Variants in RPL12 observed in about 807,000 individuals in gnomAD.
RPL12 encodes ribosomal protein L12, also known as large ribosomal subunit protein uL11.
A neutral mutation model predicts 24.5 loss-of-function variants in RPL12; 10 were observed. The observed-to-expected ratio is 0.41, with a 90% CI of 0.25 to 0.69. The LOEUF (loss-of-function observed/expected upper bound fraction) is 0.69, where lower values mean the gene tolerates loss of function less well. Among genes scored for constraint, RPL12 ranks in the 30% least tolerant of loss-of-function variants. RPL12 has a pLI of 0.33. For synonymous variants in RPL12, 74 were observed against 76.1 expected (o/e 0.97, Z 0.14); for missense variants, 137 against 205.3 (o/e 0.67, Z 2.03).
rs202157693 is a variant in RPL12 at position 127,447,755 on chromosome 9, A to G, written c.493-29T>C. 27 of 1,613,530 alleles carry G rather than the reference A, an allele frequency of 1.7e-5. 1 individual carries two copies. In the East Asian group the frequency reaches 5.8e-4, roughly 35 times the overall value. ...TGGGAAAGAAAAAAAAAATCAGTAA[A>G]AAGTTTAAAAGGATTATCCCACCCC... On this transcript the variant is annotated intron_variant, in intron 6 of 6. Coordinates refer to ENST00000361436, the MANE Select transcript of RPL12 (RefSeq NM_000976.4).
rs111718850 is a variant in RPL12, at chr9:127,449,715, A to G, written c.112-7T>C. On this transcript the variant is annotated splice_region_variant and splice_polypyrimidine_tract_variant and intron_variant, in intron 2 of 6. Coordinates refer to ENST00000361436, the MANE Select transcript of RPL12 (RefSeq NM_000976.4). ...CACCAACTTTTTTTGGAGACTAGAA[A>G]TAAAGGCATGTAATCAACATGGTGT... 3.1e-6 allele frequency: 5 copies of G among 1,608,630 alleles called. No individual in the cohort carries two copies. The African/African-American group carries it at 5.3e-5, about 17-fold the overall frequency.
At chr9:127,450,689 A>G in intron 2 of RPL12, 42 bp downstream of exon 2, 1 of 1,459,464 alleles carries the variant, frequency 6.9e-7, no homozygotes, top group Non-Finnish European at 9.3e-7. Flanking sequence ...GCTTAAAGTG[A>G]AACAAATGTG....
At chr9:127,451,164 C>G (rs1002733704) in intron 1 of RPL12, 117 bp downstream of exon 1, 14 of 1,389,582 alleles carry the variant, frequency 1.0e-5, no homozygotes, top group African/African-American at 4.3e-5. Context: ...GGCGCAACAC[C>G]GGGAAGGTCT....
At chr9:127,447,793 T>C in intron 6 of RPL12, 67 bp from the exon 7 acceptor site, 1 of 1,612,236 alleles carries the variant, frequency 6.2e-7, no homozygotes, top group Non-Finnish European at 8.5e-7. Flanking sequence ...CAGTAACCAT[T>C]TCCAAAACTT....
At chr9:127,448,253 A>G (rs780187204) in intron 5 of RPL12, 84 bp downstream of exon 5, 46 of 1,189,704 alleles carry the variant, frequency 3.9e-5, no homozygotes, top group Non-Finnish European at 5.5e-5. Context: ...GGTCTCACTG[A>G]GCACCCTTCA....
At position 127,450,706 on chromosome 9, in the gene RPL12, A is replaced by G. The variant is rs747728956; in HGVS notation, c.111+25T>C. ...TTAAAGTGAAACAAATGTGAAAAAA[A>G]TGCCCCTTGGAGGGGATAACGTACC... On this transcript the variant is annotated intron_variant, in intron 2 of 6. Transcript: ENST00000361436. 22 of 1,526,872 alleles carry G rather than the reference A, an allele frequency of 1.4e-5. No homozygotes were observed. The South Asian group carries it at 2.5e-4, about 17-fold the overall frequency. The allele number at this position is 1,526,872 out of a possible 1,614,324, so 94.6% of individuals were successfully genotyped here.
intron 4 of RPL12, 144 bp downstream of exon 4, chr9:127,449,137 T>TA: frequency 1.6e-6 from 1 of 637,388 alleles, no homozygotes; most frequent in Non-Finnish European, 2.7e-6. Flanking sequence ...CACTTTTTCA[T>TA]ACTACCTGGC....
At chr9:127,448,473 A>C in intron 4 of RPL12, 50 bp from the exon 5 acceptor site, 1 of 1,171,208 alleles carries the variant, frequency 8.5e-7, no homozygotes, top group Non-Finnish European at 1.3e-6. Flanking sequence ...AAGCCAAAGC[A>C]GATCATGTGT....
chr9:127,448,537 T>C, intron 4 of RPL12, 114 bp from the exon 5 acceptor site: 1 of 800,434 alleles, frequency 1.2e-6, no homozygotes, highest in Non-Finnish European at 2.2e-6. Context: ...GTCATCCACA[T>C]GAAGAACAAC....
At position 127,447,836 on chromosome 9, in the gene RPL12, C is replaced by T. The variant is rs747256850; in HGVS notation, c.492+41G>A. On this transcript the variant is annotated intron_variant, in intron 6 of 6. Transcript: ENST00000361436. ...TATCTCTGTGAATACACTGGGTGGC[C>T]CCCCTTTCACCCCTACTGTAACAAT... 4.0e-5 allele frequency: 65 copies of T among 1,610,118 alleles called. 2 individuals carry two copies. The South Asian group carries it at 6.7e-4, about 17-fold the overall frequency.
intron 2 of RPL12, chr9:127,449,915 A>G: frequency 1.8e-6 from 1 of 567,630 alleles, no homozygotes; most frequent in Non-Finnish European, 3.2e-6. Context: ...GCCACAATGT[A>G]ACCTAGACCC....
Position 127,451,395 on chromosome 9 carries a change from A to T in RPL12, c.-78T>A. 1 of 1,582,632 alleles carries T rather than the reference A, an allele frequency of 6.3e-7. No homozygotes were observed. Among genetic ancestry groups the T allele is most frequent in the Non-Finnish European group, 8.6e-7 (1 of 1,159,200 alleles). ...TTGCACCTTGGCCTCCTCCGAGCCGAAAGCCGAGAGGCCGGAAATCGCGCG... is the reference window on the plus strand; with the variant it reads ...TTGCACCTTGGCCTCCTCCGAGCCGTAAGCCGAGAGGCCGGAAATCGCGCG... On this transcript the variant is annotated 5_prime_UTR_variant, in exon 1 of 7. Transcript: ENST00000361436.
Position 127,448,394 on chromosome 9 carries a change from C to G in RPL12, c.322G>C (p.Glu108Gln). ...IKHSGNITFD[E>Q]IVNIARQMRH... The stretch of plus-strand genomic sequence containing the variant: ...ATCTGTCGAGCAATGTTGACAATCT[C>G]ATCAAAAGTGATATTCCCACTGTGT... Residue 108 changes from glutamate to glutamine, a missense_variant, in exon 5 of 7, where the codon GAG (glutamate) becomes CAG (glutamine). Glu to Gln is a conservative substitution (Grantham distance 29). Transcript: ENST00000361436. The G allele has an allele frequency of 6.2e-7, 1 of 1,613,894 alleles. No homozygotes were observed. The highest frequency in any genetic ancestry group is 1.1e-5 in the South Asian group (1 of 91,076).
chr9:127,447,848 C>A (rs781665013), intron 6 of RPL12, 29 bp downstream of exon 6: 3 of 1,609,902 alleles, frequency 1.9e-6, no homozygotes, highest in Non-Finnish European at 2.5e-6. Context: ...CCCTTTCACC[C>A]CTACTGTAAC....
At chr9:127,449,411 C>T (rs1229079760) in intron 3 of RPL12, 49 bp from the exon 4 acceptor site, 24 of 1,533,578 alleles carry the variant, frequency 1.6e-5, no homozygotes, top group Non-Finnish European at 2.2e-5. Context: ...TGAATACTGC[C>T]ATGCACGCTG....
Position 127,448,341 on chromosome 9 carries a change from G to T in RPL12, c.375C>A (p.Leu125=). 1 of 1,610,610 alleles carries T rather than the reference G, an allele frequency of 6.2e-7. No homozygotes were observed. Among genetic ancestry groups the T allele is most frequent in the Non-Finnish European group, 8.5e-7 (1 of 1,176,828 alleles). ...QMRHRSLARE[L]SGTIKEILGT... is the part of the protein sequence containing the mutation. ...TACATGTTGTCCTGCTCTTACCAGAGAGTTCTCTGGCTAAGGATCGGTGCC... is the reference window on the plus strand; with the variant it reads ...TACATGTTGTCCTGCTCTTACCAGATAGTTCTCTGGCTAAGGATCGGTGCC... Residue 125 remains leucine (L), a synonymous_variant, in exon 5 of 7, where the codon CTC becomes CTA. Coordinates refer to ENST00000361436, the MANE Select transcript of RPL12 (RefSeq NM_000976.4).
rs1834237435 is a variant in RPL12 at position 127,449,677 on chromosome 9, T to C, written c.143A>G (p.Lys48Arg). Residue 48 changes from lysine (K) to arginine (R), a missense_variant, in exon 3 of 7, where the codon AAG (lysine) becomes AGG (arginine). Transcript: ENST00000361436. ...CAGGCCCTTCCAGTCACCCGTTGCC[T>C]TGGCAATGTCATCACCAACTTTTTT... is the stretch of plus-strand genomic sequence containing the variant. ...SPKKVGDDIA[K>R]ATGDWKGLRI... 6 of 1,613,962 alleles carry C rather than the reference T, an allele frequency of 3.7e-6. No homozygotes were observed. The highest frequency in any genetic ancestry group is 5.1e-6 in the Non-Finnish European group (6 of 1,180,024).
intron 2 of RPL12, 61 bp downstream of exon 2, chr9:127,450,649 TCTGGCACAGGCGTGACTCCAC>T: frequency 9.3e-7 from 1 of 1,072,748 alleles, no homozygotes; most frequent in Non-Finnish European, 1.4e-6. Context: ...CGAGGGCACC[TCTGGCACAGGCGTGACTCCAC>T]GAGCCGGCGC....
At chr9:127,448,546 AC>A (rs1834213130) in intron 4 of RPL12, 123 bp from the exon 5 acceptor site, 1 of 787,782 alleles carries the variant, frequency 1.3e-6, no homozygotes, top group Non-Finnish European at 2.3e-6. Flanking sequence ...ATGAAGAACA[AC>A]CCTGTTTCCT....
Sources: allele counts gnomAD v4.1 joint callset, GRCh38; gene constraint gnomAD v4.1.1; transcripts MANE v1.5; gene names NCBI Gene and HGNC (gene_info 2026-07-23, HGNC 2026-07-21).